GARNL3: variants seen among roughly 807,000 people sequenced by gnomAD.
GARNL3 encodes GTPase-activating Rap/Ran-GAP domain-like protein 3.
In GARNL3, 63 loss-of-function variants were observed where a neutral mutation model predicts 125.0. That is an observed-to-expected ratio of 0.50 (90% CI 0.41 to 0.62). The LOEUF (loss-of-function observed/expected upper bound fraction) is 0.62. GARNL3 is among the 20% of genes least tolerant of loss of function. The probability of loss-of-function intolerance (pLI) is 0.00; values close to 1 mark genes in which losing one functional copy is unlikely to be tolerated. For missense variants in GARNL3, 994 were observed against 1,244.0 expected (o/e 0.80, Z 3.02); for synonymous variants, 439 against 457.5 (o/e 0.96, Z 0.52).
intron 16 of GARNL3, among the ~76,000 whole-genome samples, chr9:127,346,670 A>G (rs1382104428): frequency 6.6e-6 from 1 of 152,324 alleles, no homozygotes. Flanking sequence ...TGTTGAGGTC[A>G]GTACTTATAA....
intron 13 of GARNL3, among the ~76,000 whole-genome samples, chr9:127,341,846 G>A (rs368666304): frequency 3.3e-5 from 5 of 152,286 alleles, no homozygotes; most frequent in African/African-American, 7.2e-5. Flanking sequence ...GCAGGCTCAA[G>A]GTGATGGAGA....
chr9:127,267,188 C>G lies in GARNL3; in HGVS notation c.144+2167C>G, dbSNP rs530101774. 2.6e-5 allele frequency among the ~76,000 whole-genome samples: 4 copies of G among 152,208 alleles called. No homozygotes were observed. In the South Asian group the frequency reaches 8.3e-4, roughly 32 times the overall value. ...TCCAGTTGACCAAACGTTCTTCAATCCATTTGTTCACATTTTTCCTCTGGG... is the reference window on the plus strand; with the variant it reads ...TCCAGTTGACCAAACGTTCTTCAATGCATTTGTTCACATTTTTCCTCTGGG... On this transcript the variant is annotated intron_variant, in intron 1 of 27. Transcript: ENST00000373387.
At chr9:127,302,231 C>T (rs922749968) in intron 2 of GARNL3, among the ~76,000 whole-genome samples, 3 of 152,168 alleles carry the variant, frequency 2.0e-5, no homozygotes, top group Non-Finnish European at 4.4e-5. Context: ...CTTGAGCCAC[C>T]GCGCTCGGCC....
At chr9:127,358,623 G>A (rs1437996016) in intron 21 of GARNL3, among the ~76,000 whole-genome samples, 5 of 152,208 alleles carry the variant, frequency 3.3e-5, no homozygotes, top group African/African-American at 1.2e-4. Context: ...ATAGAAAACT[G>A]TAGTTGTGAT....
Position 127,320,730 on chromosome 9 carries a change from C to T in GARNL3, c.519C>T (p.Asp173=). 6.2e-7 allele frequency: 1 copy of T among 1,612,120 alleles called. No individual in the cohort carries two copies. ...TCTATTTCAGTGCCATGAATCTGGA[C>T]AAATTTGAGAAAGGCCCCAGGGAAA... The part of the protein sequence containing the change: ...VKSILSAMNL[D]KFEKGPREIF... Residue 173 remains aspartate (D), a synonymous_variant, in exon 6 of 28, where the codon GAC becomes GAT. Transcript: ENST00000373387.
chr9:127,238,190 T>C (rs971932359), intron 1 of GARNL3, among the ~76,000 whole-genome samples: 1 of 152,178 alleles, frequency 6.6e-6, no homozygotes, highest in African/African-American at 2.4e-5. Flanking sequence ...GGTTTCACCA[T>C]GTTGGCCAGG....
chr9:127,298,632 T>G (rs1437524491), intron 2 of GARNL3, among the ~76,000 whole-genome samples: 1 of 152,240 alleles, frequency 6.6e-6, no homozygotes, highest in Non-Finnish European at 1.5e-5. Context: ...AATGAACACC[T>G]TCATCCATAA....
intron 1 of GARNL3, among the ~76,000 whole-genome samples, chr9:127,233,515 C>T (rs976832260): frequency 6.6e-6 from 1 of 152,152 alleles, no homozygotes; most frequent in African/African-American, 2.4e-5. Context: ...CCAGATGCCA[C>T]CCAGGGTCAC....
intron 9 of GARNL3, among the ~76,000 whole-genome samples, chr9:127,333,610 C>T (rs1829386249): frequency 6.6e-6 from 1 of 151,764 alleles, no homozygotes; most frequent in African/African-American, 2.4e-5. Context: ...TTTTTGAGGC[C>T]AGAGGGAGGG....
Position 127,318,141 on chromosome 9 carries a change from G to A in GARNL3, c.503+14G>A. 1 of 1,507,842 alleles carries A rather than the reference G, an allele frequency of 6.6e-7. No homozygotes were observed. Among genetic ancestry groups the A allele is most frequent in the East Asian group, 2.3e-5 (1 of 44,428 alleles). The allele number at this position is 1,507,842 out of a possible 1,614,324, so 93.4% of individuals were successfully genotyped here. On this transcript the variant is annotated intron_variant, in intron 5 of 27. Coordinates refer to ENST00000373387, the MANE Select transcript of GARNL3 (RefSeq NM_032293.5). ...GTCCATCTTAAGGTGAGTTCTAATGGGTAGAAACCCCACACATGGATTTGG... is the reference window on the plus strand; with the variant it reads ...GTCCATCTTAAGGTGAGTTCTAATGAGTAGAAACCCCACACATGGATTTGG...
At chr9:127,231,532 A>C (rs2063019899) in intron 1 of GARNL3, among the ~76,000 whole-genome samples, 1 of 152,184 alleles carries the variant, frequency 6.6e-6, no homozygotes. Flanking sequence ...GAGCTACCAC[A>C]TTAACAGGGT....
At chr9:127,250,003 G>A (rs985015020) in intron 2 of GARNL3, among the ~76,000 whole-genome samples, 6 of 152,022 alleles carry the variant, frequency 3.9e-5, no homozygotes, top group African/African-American at 7.2e-5. Flanking sequence ...GTGAAACTCC[G>A]TGTGAAAAAA....
chr9:127,312,705 C>T (rs1181483671), intron 3 of GARNL3, among the ~76,000 whole-genome samples: 1 of 152,122 alleles, frequency 6.6e-6, no homozygotes, highest in Non-Finnish European at 1.5e-5. Flanking sequence ...TTTAAAGAAA[C>T]CTGACTGTGT....
In GARNL3 at chr9:127,242,718, C is replaced by T. The variant is rs971329647; in HGVS notation, c.-28-361C>T. On this transcript the variant is annotated intron_variant, in intron 1 of 10. Coordinates refer to the GARNL3 transcript ENST00000439286. The surrounding 1 kb of genome is among the most constrained non-coding windows in gnomAD (Gnocchi z 4.6). ...AGTAATGGCCATGAAGTCCTACCAC[C>T]GGTGATTCTCCAGAAGCATTCTAGA... Among the ~76,000 whole-genome samples, 3 of 152,166 alleles carry T rather than the reference C, an allele frequency of 2.0e-5. No homozygotes were observed. The highest frequency in any genetic ancestry group is 4.4e-5 in the Non-Finnish European group (3 of 68,030).
At chr9:127,287,177 C>G (rs747095338) in intron 1 of GARNL3, among the ~76,000 whole-genome samples, 11 of 152,192 alleles carry the variant, frequency 7.2e-5, no homozygotes, top group Admixed American at 1.3e-4. Flanking sequence ...GCTTTGTGTC[C>G]AGCTATGATT....
chr9:127,272,581 G>C (rs1015843889), intron 1 of GARNL3, among the ~76,000 whole-genome samples: 1 of 151,902 alleles, frequency 6.6e-6, no homozygotes, highest in Non-Finnish European at 1.5e-5. Context: ...CCAGGTTCAA[G>C]CGATTCTCCT....
At chr9:127,350,934 G>T (rs1187639205) in intron 17 of GARNL3, among the ~76,000 whole-genome samples, 1 of 152,148 alleles carries the variant, frequency 6.6e-6, no homozygotes, top group African/African-American at 2.4e-5. Flanking sequence ...AGTTACCCAA[G>T]ATCACAAAAC....
intron 22 of GARNL3, among the ~76,000 whole-genome samples, chr9:127,371,950 GAGA>G (rs1378863031): frequency 6.6e-6 from 1 of 152,022 alleles, no homozygotes; most frequent in Admixed American, 6.6e-5. Flanking sequence ...AATTTTTTTT[GAGA>G]AGGAGTTTAG....
intron 21 of GARNL3, among the ~76,000 whole-genome samples, chr9:127,359,415 A>G (rs1830862195): frequency 6.6e-6 from 1 of 152,168 alleles, no homozygotes; most frequent in Admixed American, 6.5e-5. Flanking sequence ...GCTTGAAGCC[A>G]GGAGGCGGAG....
Sources: allele counts gnomAD v4.1 joint callset (sites outside exome capture counted in the v4.1 genomes callset), GRCh38; gene constraint gnomAD v4.1.1; non-coding constraint Gnocchi (gnomAD v3.1); transcripts MANE v1.5; gene names NCBI Gene and HGNC (gene_info 2026-07-23, HGNC 2026-07-21).